The following PRDX5 variants were observed in gnomAD, a reference collection of about 807,000 sequenced individuals.
The protein encoded by PRDX5 is peroxiredoxin 5.
PRDX5 carries 21 observed loss-of-function variants against 23.8 expected under a neutral mutation model. That is an observed-to-expected ratio of 0.88 (90% confidence interval 0.63 to 1.27). The LOEUF (loss-of-function observed/expected upper bound fraction) is 1.27. Among genes scored for constraint, PRDX5 ranks in the 50% most tolerant of loss-of-function variants. PRDX5 has a pLI of 0.00. For synonymous variants in PRDX5, 111 were observed against 113.3 expected, an observed-to-expected ratio of 0.98 and a Z score of 0.13; for missense variants, 261 against 270.6, an observed-to-expected ratio of 0.96 and a Z score of 0.25.
rs758667277 is a variant in PRDX5 at position 64,321,032 on chromosome 11, C to A, written c.503C>A (p.Ser168Ter). 6.2e-7 allele frequency: 1 copy of A among 1,613,966 alleles called. No individual in the cohort carries two copies. Among genetic ancestry groups the A allele is most frequent in the African/African-American group, 1.3e-5 (1 of 74,940 alleles). The change falls in exon 5 of 6, where the codon TCG becomes TAG. Residue 168 changes from serine (S) to a stop codon, truncating the protein, a stop_gained. Coordinates refer to ENST00000265462, the MANE Select transcript of PRDX5 (RefSeq NM_012094.5). LOFTEE classifies it high-confidence loss of function. ...GAGACAGACTTATTACTAGATGATT[C>A]GCTGGTGTCCATCTTTGGGAATCGA... ...GKETDLLLDD[S>*]LVSIFGNRRL... is the part of the protein sequence containing the mutation.
chr11:64,319,657 A>G, intron 1 of PRDX5, 77 bp from the exon 2 acceptor site: 1 of 1,513,638 alleles, frequency 6.6e-7, no homozygotes, highest in Non-Finnish European at 8.9e-7. Context: ...CACAGCTGCC[A>G]GGCTCTCTGT....
chr11:64,321,552 C>G, intron 5 of PRDX5, 34 bp from the exon 6 acceptor site: 6 of 1,605,666 alleles, frequency 3.7e-6, no homozygotes, highest in African/African-American at 1.3e-5. Flanking sequence ...CAAGCCCAGG[C>G]TGATGCAGCT....
rs2035502651 is a variant in PRDX5, at chr11:64,321,614, G to C, written c.568G>C (p.Val190Leu). The C allele has an allele frequency of 6.2e-7, 1 of 1,613,608 alleles. No homozygotes were observed. Among genetic ancestry groups the C allele is most frequent in the African/African-American group, 1.3e-5 (1 of 74,886 alleles). ...RFSMVVQDGI[V>L]KALNVEPDGT... is the part of the protein sequence containing the mutation. ...CTCCATGGTGGTACAGGATGGCATA[G>C]TGAAGGCCCTGAATGTGGAACCAGA... The change falls in exon 6 of 6, where the codon GTG becomes CTG. Residue 190 changes from valine to leucine, a missense_variant. Physicochemically the swap from Val to Leu is conservative, Grantham distance 32 (BLOSUM62 1). Coordinates refer to ENST00000265462, the MANE Select transcript of PRDX5 (RefSeq NM_012094.5).
intron 5 of PRDX5, 90 bp from the exon 6 acceptor site, chr11:64,321,496 C>A: frequency 6.4e-7 from 1 of 1,550,508 alleles, no homozygotes; most frequent in Non-Finnish European, 8.7e-7. Context: ...CTCTGGAGTT[C>A]TCTTGGGCCC....
rs766981427 is a variant in PRDX5, at chr11:64,318,317, TGAA to T, written c.104_106del (p.Glu35del). On this transcript the variant is annotated inframe_deletion, in exon 1 of 6. Transcript: ENST00000265462. ...CGGCAGCGGCAGCAAGACGGTACAG[TGAA>T]GGAGAGTGGGCGTCTGGCGGGGTCC... The T allele has an allele frequency of 3.5e-5, 56 of 1,612,410 alleles. No individual in the cohort carries two copies. Among genetic ancestry groups the T allele is most frequent in the Non-Finnish European group, 1.9e-5 (22 of 1,179,794 alleles).
chr11:64,319,153 A>C, intron 1 of PRDX5, among the ~76,000 whole-genome samples: 1 of 146,064 alleles, frequency 6.8e-6, no homozygotes, highest in African/African-American at 2.6e-5. Flanking sequence ...CTCACCTCTG[A>C]CTCTCTCTCC....
chr11:64,321,171 G>A, intron 5 of PRDX5, 103 bp downstream of exon 5: 1 of 1,329,162 alleles, frequency 7.5e-7, no homozygotes, highest in Middle Eastern at 2.6e-4. Context: ...AGAGTCGTCT[G>A]TGGGGGAGAG....
intron 5 of PRDX5, 86 bp downstream of exon 5, chr11:64,321,154 T>C: frequency 6.8e-7 from 1 of 1,467,246 alleles, no homozygotes; most frequent in Non-Finnish European, 9.5e-7. Context: ...GAGGGTCCTC[T>C]GTGGGAAGAG....
rs771178576 is a variant in PRDX5, at chr11:64,320,784, GAAGGC to G, written c.435_438+1del. On this transcript the variant is annotated frameshift_variant, in exon 3 of 6. Transcript: ENST00000265462. LOFTEE classifies it high-confidence loss of function. The stretch of plus-strand genomic sequence containing the variant: ...CGAGTGGGGCCGAGCCCACAAGGCG[GAAGGC>G]AAGGTGAGGTGAGGGGCCTGCAGGG... 6.2e-7 allele frequency: 1 copy of G among 1,614,212 alleles called. No homozygotes were observed. Among genetic ancestry groups the G allele is most frequent in the Non-Finnish European group, 8.5e-7 (1 of 1,180,022 alleles).
intron 2 of PRDX5, among the ~76,000 whole-genome samples, 164 bp from the exon 3 acceptor site, chr11:64,320,497 G>A (rs2035465346): frequency 6.6e-6 from 1 of 152,246 alleles, no homozygotes; most frequent in Admixed American, 6.5e-5. Context: ...TTCATTCTGA[G>A]CTTCCTAGTG....
chr11:64,320,903 G>A lies in PRDX5; in HGVS notation c.477G>A (p.Lys159=), dbSNP rs1286152137. ...CTGATCCCACTGGGGCCTTTGGGAA[G>A]GTGAGTGTTCCCCTGACCGCCACAG... ...LLADPTGAFG[K]ETDLLLDDSL... The change falls in exon 4 of 6, where the codon AAG becomes AAA. Residue 159 remains lysine, a splice_region_variant and synonymous_variant. Transcript: ENST00000265462. 3 of 1,614,234 alleles carry A rather than the reference G, an allele frequency of 1.9e-6. No individual in the cohort carries two copies. The highest frequency in any genetic ancestry group is 3.3e-4 in the Middle Eastern group (2 of 6,062).
At position 64,321,015 on chromosome 11, in the gene PRDX5, C is replaced by T. The variant is rs1384339389; in HGVS notation, c.486C>T (p.Asp162=). 3 of 1,614,114 alleles carry T rather than the reference C, an allele frequency of 1.9e-6. No homozygotes were observed. Among genetic ancestry groups the T allele is most frequent in the East Asian group, 2.2e-5 (1 of 44,890 alleles). Residue 162 remains aspartate (D), a synonymous_variant, in exon 5 of 6, where the codon GAC becomes GAT. Coordinates refer to ENST00000265462, the MANE Select transcript of PRDX5 (RefSeq NM_012094.5). The part of the protein sequence containing the change: ...DPTGAFGKET[D]LLLDDSLVSI... ...TCTCTGTCTCTTCTTAGGAGACAGA[C>T]TTATTACTAGATGATTCGCTGGTGT...
Position 64,320,669 on chromosome 11 carries a change from G to T in PRDX5, c.315G>T (p.Leu105=), listed in dbSNP as rs769962350. ...TTGTTCCCCTTCCTCAGACACACCT[G>T]CCAGGGTTTGTGGAGCAGGCTGAGG... The part of the protein sequence containing the change: ...AFTPGCSKTH[L]PGFVEQAEAL... Residue 105 remains leucine, a synonymous_variant, in exon 3 of 6, where the codon CTG becomes CTT. Transcript: ENST00000265462. 1.3e-6 allele frequency: 2 copies of T among 1,598,086 alleles called. No homozygotes were observed. The highest frequency in any genetic ancestry group is 2.2e-5 in the South Asian group (2 of 89,596).
At chr11:64,320,557 T>A in intron 2 of PRDX5, 104 bp from the exon 3 acceptor site, 3 of 1,467,474 alleles carry the variant, frequency 2.0e-6, no homozygotes, top group Non-Finnish European at 2.7e-6. Flanking sequence ...CATTGTCTGA[T>A]CAAAGGTGTT....
chr11:64,319,069 T>C (rs1379762372), intron 1 of PRDX5, among the ~76,000 whole-genome samples: 2 of 151,180 alleles, frequency 1.3e-5, no homozygotes, highest in African/African-American at 4.9e-5. Context: ...TTCCCCCTTC[T>C]CCTCCCAAAC....
intron 1 of PRDX5, among the ~76,000 whole-genome samples, chr11:64,318,613 T>C (rs1301759046): frequency 6.6e-6 from 1 of 152,094 alleles, no homozygotes; most frequent in Admixed American, 6.5e-5. Flanking sequence ...TTTTTTGTTT[T>C]TTTTTGAGAC....
rs1405545083 is a variant in PRDX5, at chr11:64,318,365, T to C, written c.150T>C (p.Ala50=). Reference sequence around the variant, plus strand: ...GGGTCCGCAGTTTCAGCAGAGCCGCTGCAGCCATGGCCCCAATCAAGGTGA... The same window carrying C: ...GGGTCCGCAGTTTCAGCAGAGCCGCCGCAGCCATGGCCCCAATCAAGGTGA... ...SGGVRSFSRA[A]AAMAPIKVGD... The change falls in exon 1 of 6, where the codon GCT becomes GCC. Residue 50 remains alanine, a synonymous_variant. Transcript: ENST00000265462. The C allele has an allele frequency of 1.9e-6, 3 of 1,609,634 alleles. No homozygotes were observed. The East Asian group carries it at 6.7e-5, about 36-fold the overall frequency.
chr11:64,320,932 C>T (rs779752281), intron 4 of PRDX5, 29 bp downstream of exon 4: 1 of 1,614,000 alleles, frequency 6.2e-7, no homozygotes, highest in Non-Finnish European at 8.5e-7. Context: ...GCCACAGGGA[C>T]ATGGCAGTGC....
At position 64,321,661 on chromosome 11, in the gene PRDX5, C is replaced by T; in HGVS notation, c.615C>T (p.Ser205=). ...VEPDGTGLTC[S]LAPNIISQL ...CAGATGGCACAGGCCTCACCTGCAG[C>T]CTGGCACCCAATATCATCTCACAGC... Residue 205 remains serine (S), a synonymous_variant, in exon 6 of 6, where the codon AGC becomes AGT. Transcript: ENST00000265462. The T allele has an allele frequency of 6.2e-7, 1 of 1,601,464 alleles. No individual in the cohort carries two copies. Among genetic ancestry groups the T allele is most frequent in the Non-Finnish European group, 8.5e-7 (1 of 1,174,276 alleles).
Sources: allele counts gnomAD v4.1 joint callset (sites outside exome capture counted in the v4.1 genomes callset), GRCh38; gene constraint gnomAD v4.1.1; transcripts MANE v1.5; gene names NCBI Gene and HGNC (gene_info 2026-07-23, HGNC 2026-07-21).